The following DKK2 variants were observed in gnomAD, a reference collection of about 807,000 sequenced individuals.
DKK2 encodes the protein dickkopf Wnt signaling pathway inhibitor 2.
Under a neutral mutation model 28.1 loss-of-function variants are expected in DKK2, and 11 were observed. The observed-to-expected ratio is 0.39, with a 90% CI of 0.25 to 0.65. The LOEUF is 0.65. Ranked by LOEUF, DKK2 falls within the 30% of genes least tolerant of loss-of-function variation. The probability of loss-of-function intolerance (pLI) is 0.47; values close to 1 mark genes in which losing one functional copy is unlikely to be tolerated. For missense variants in DKK2, 326 were observed against 335.5 expected (o/e 0.97, Z 0.22); for synonymous variants, 135 against 126.5 (o/e 1.07, Z -0.45).
chr4:106,979,825 C>T (rs1722999846), intron 1 of DKK2, among the ~76,000 whole-genome samples: 1 of 152,242 alleles, frequency 6.6e-6, no homozygotes, highest in Non-Finnish European at 1.5e-5. Context: ...TTTTCTCATA[C>T]ATCACAGTAT....
chr4:106,960,151 C>CTAT (rs1452052066), intron 1 of DKK2, among the ~76,000 whole-genome samples: 2 of 148,398 alleles, frequency 1.3e-5, no homozygotes, highest in East Asian at 3.9e-4. Context: ...CATATATATA[C>CTAT]ATATATACAC....
In DKK2 at chr4:106,962,413, A is replaced by C. The variant is rs190597446; in HGVS notation, c.223-36464T>G. The stretch of plus-strand genomic sequence containing the variant: ...GAAATAAATCCAGGCATTGACAGCC[A>C]ACTGATTTTCAATAAAGGTGCCAAG... On this transcript the variant is annotated intron_variant, in intron 1 of 3. Transcript: ENST00000285311. Among the ~76,000 whole-genome samples, 17 of 152,158 alleles carry C rather than the reference A, an allele frequency of 1.1e-4. No individual in the cohort carries two copies. The East Asian group carries it at 2.7e-3, about 24-fold the overall frequency.
intron 1 of DKK2, among the ~76,000 whole-genome samples, chr4:106,955,101 T>C (rs402300): frequency 0.29 from 43,892 of 152,068 alleles, 6,563 homozygotes; most frequent in African/African-American, 0.36. Context: ...CAAGTAATAA[T>C]GAACAAGACA....
chr4:106,978,212 G>A (rs997978483), intron 1 of DKK2, among the ~76,000 whole-genome samples: 17 of 152,188 alleles, frequency 1.1e-4, no homozygotes, highest in Admixed American at 9.8e-4. Flanking sequence ...CAGGAGGCAC[G>A]GGGCTCAGGG....
chr4:106,992,960 AG>A (rs1346727856), intron 1 of DKK2, among the ~76,000 whole-genome samples: 1 of 152,226 alleles, frequency 6.6e-6, no homozygotes, highest in East Asian at 1.9e-4. Flanking sequence ...TGGATTGAAC[AG>A]GGATCTTTTT....
At chr4:106,932,304 A>G (rs1250602763) in intron 1 of DKK2, among the ~76,000 whole-genome samples, 1 of 152,178 alleles carries the variant, frequency 6.6e-6, no homozygotes, top group African/African-American at 2.4e-5. Context: ...CAATGTATTC[A>G]GAAAGCGTCA....
At chr4:106,947,442 G>T (rs1724794864) in intron 1 of DKK2, among the ~76,000 whole-genome samples, 1 of 152,002 alleles carries the variant, frequency 6.6e-6, no homozygotes, top group South Asian at 2.1e-4. Context: ...ATGTCACATT[G>T]TTTGGCAACA....
At chr4:106,924,727 A>T (rs1373794783) in intron 2 of DKK2, 27 bp from the exon 3 acceptor site, 2 of 1,601,214 alleles carry the variant, frequency 1.2e-6, no homozygotes, top group Non-Finnish European at 1.7e-6. Context: ...AATCAGTTAG[A>T]CTAATTCAAT....
chr4:107,026,747 A>G (rs1447837143), intron 1 of DKK2, among the ~76,000 whole-genome samples: 1 of 152,164 alleles, frequency 6.6e-6, no homozygotes. Context: ...GCCCGACTCC[A>G]GAAAATATGA....
chr4:106,942,935 T>C (rs1217137850), intron 1 of DKK2, among the ~76,000 whole-genome samples: 1 of 152,134 alleles, frequency 6.6e-6, no homozygotes, highest in Non-Finnish European at 1.5e-5. Flanking sequence ...AAACCCTGTG[T>C]TCCCTGCCTA....
At chr4:106,948,928 A>T (rs1298648957) in intron 1 of DKK2, among the ~76,000 whole-genome samples, 2 of 152,182 alleles carry the variant, frequency 1.3e-5, no homozygotes, top group African/African-American at 4.8e-5. Flanking sequence ...TAAATGCATT[A>T]AAAAGCCACC....
At chr4:107,021,993 T>C (rs1429622374) in intron 1 of DKK2, among the ~76,000 whole-genome samples, 1 of 152,066 alleles carries the variant, frequency 6.6e-6, no homozygotes, top group Non-Finnish European at 1.5e-5. Context: ...GAGGGGACAT[T>C]GATATCCAGT....
intron 1 of DKK2, among the ~76,000 whole-genome samples, chr4:106,987,417 T>G (rs1392905777): frequency 6.6e-6 from 1 of 152,350 alleles, no homozygotes; most frequent in East Asian, 1.9e-4. Context: ...TTCTCTTGCT[T>G]GTCTAACACC....
At chr4:106,978,133 C>A (rs772406297) in intron 1 of DKK2, among the ~76,000 whole-genome samples, 3 of 152,144 alleles carry the variant, frequency 2.0e-5, no homozygotes, top group Non-Finnish European at 4.4e-5. Flanking sequence ...GAGGGGCAAT[C>A]TCCAGGTGCC....
rs1015521024 is a variant in DKK2, at chr4:107,025,416, C to T, written c.222+9954G>A. On this transcript the variant is annotated intron_variant, in intron 1 of 3. Coordinates refer to ENST00000285311, the MANE Select transcript of DKK2 (RefSeq NM_014421.3). ...GGACTAAAATTGAGAAGTCATACTG[C>T]ATTACCTACTGTAAGAGAGTTTATT... 7.2e-5 allele frequency among the ~76,000 whole-genome samples: 11 copies of T among 152,292 alleles called. No individual in the cohort carries two copies. The East Asian group carries it at 1.5e-3, about 21-fold the overall frequency.
At chr4:106,982,397 C>T in intron 1 of DKK2, among the ~76,000 whole-genome samples, 1 of 152,144 alleles carries the variant, frequency 6.6e-6, no homozygotes, top group East Asian at 1.9e-4. Context: ...GTCTCATTCC[C>T]TAGTTTCCAT....
At chr4:106,976,558 C>A (rs1032759451) in intron 1 of DKK2, among the ~76,000 whole-genome samples, 1 of 152,090 alleles carries the variant, frequency 6.6e-6, no homozygotes, top group African/African-American at 2.4e-5. Context: ...ACTAGGATTG[C>A]AACCTCTGCT....
chr4:106,998,537 G>C (rs1723309295), intron 1 of DKK2, among the ~76,000 whole-genome samples: 1 of 152,134 alleles, frequency 6.6e-6, no homozygotes, highest in African/African-American at 2.4e-5. Flanking sequence ...AGTCAATAAA[G>C]AATAGTGATT....
At chr4:107,000,675 T>A (rs1185358912) in intron 1 of DKK2, among the ~76,000 whole-genome samples, 1 of 152,180 alleles carries the variant, frequency 6.6e-6, no homozygotes, top group African/African-American at 2.4e-5. Context: ...CATGCCCATA[T>A]AAGCCATAAG....
Sources: gnomAD v4.1 joint callset for allele counts (sites outside exome capture counted in the v4.1 genomes callset) on GRCh38, gnomAD v4.1.1 for gene constraint, MANE v1.5 for transcripts, NCBI Gene and HGNC (gene_info 2026-07-23, HGNC 2026-07-21) for gene names.